Variants in MUSK observed in about 807,000 individuals in gnomAD.
The protein encoded by MUSK is muscle, skeletal receptor tyrosine-protein kinase.
MUSK carries 55 observed loss-of-function variants against 88.7 expected under a neutral mutation model. That is an observed-to-expected ratio of 0.62 (90% CI 0.50 to 0.78). The LOEUF is 0.78. Ranked by LOEUF, MUSK falls within the 30% of genes least tolerant of loss-of-function variation. The pLI, the probability that MUSK is intolerant of heterozygous loss-of-function variation, is 0.00. For synonymous variants in MUSK, 387 were observed against 391.9 expected (o/e 0.99, Z 0.15); for missense variants, 1,015 against 1,074.3 (o/e 0.94, Z 0.77).
chr9:110,674,415 A>G (rs1171505995), intron 1 of MUSK, among the ~76,000 whole-genome samples: 2 of 152,204 alleles, frequency 1.3e-5, no homozygotes, highest in East Asian at 3.8e-4. Context: ...AAATTCCTAA[A>G]AAATTACCAA....
chr9:110,730,762 G>A (rs940993495), intron 5 of MUSK, among the ~76,000 whole-genome samples: 1 of 151,944 alleles, frequency 6.6e-6, no homozygotes, highest in African/African-American at 2.4e-5. Context: ...TGAGTATTAT[G>A]CAATTGCTCA....
At chr9:110,681,991 T>C (rs1288338499) in intron 1 of MUSK, among the ~76,000 whole-genome samples, 2 of 152,124 alleles carry the variant, frequency 1.3e-5, no homozygotes, top group Non-Finnish European at 2.9e-5. Context: ...CCTTTCCTCC[T>C]GTTGTCTTAA....
chr9:110,689,069 G>C (rs1349834801), intron 3 of MUSK, among the ~76,000 whole-genome samples: 1 of 133,526 alleles, frequency 7.5e-6, no homozygotes, highest in Non-Finnish European at 1.5e-5. Context: ...TATAGCTATA[G>C]TTATATATAG....
In MUSK at chr9:110,785,651, C is replaced by G. The variant is rs1378295933; in HGVS notation, c.1711C>G (p.Pro571Ala). The change falls in exon 13 of 15, where the codon CCA (proline) becomes GCA (alanine). Residue 571 changes from proline to alanine, a missense_variant. Pro to Ala is a conservative substitution (Grantham distance 27, BLOSUM62 -1). Coordinates refer to ENST00000374448, the MANE Select transcript of MUSK (RefSeq NM_005592.4). ...CCCCAAATTGCTCAGCCTGGAGTAT[C>G]CAAGGAATAACATTGAATATGTGAG... ...LNPKLLSLEY[P>A]RNNIEYVRDI... The G allele has an allele frequency of 6.2e-7, 1 of 1,612,702 alleles. No individual in the cohort carries two copies. Among genetic ancestry groups the G allele is most frequent in the South Asian group, 1.1e-5 (1 of 90,926 alleles).
In MUSK at chr9:110,734,347, C is replaced by A. The variant is rs1343010603; in HGVS notation, c.725C>A (p.Thr242Asn). 1 of 1,613,114 alleles carries A rather than the reference C, an allele frequency of 6.2e-7. No individual in the cohort carries two copies. Among genetic ancestry groups the A allele is most frequent in the Non-Finnish European group, 8.5e-7 (1 of 1,179,458 alleles). ...HCTATGIPVP[T>N]ITWIENGNAV... ...ACAGCAACAGGCATTCCTGTCCCCA[C>A]CATCACCTGGATTGAAAACGGAAAT... Residue 242 changes from threonine to asparagine, a missense_variant, in exon 6 of 15, where the codon ACC (threonine) becomes AAC (asparagine). By Grantham distance (65) the Thr-to-Asn change is moderately conservative. Coordinates refer to ENST00000374448, the MANE Select transcript of MUSK (RefSeq NM_005592.4).
intron 5 of MUSK, among the ~76,000 whole-genome samples, chr9:110,724,824 T>C (rs1206683970): frequency 1.3e-5 from 2 of 152,024 alleles, no homozygotes; most frequent in African/African-American, 4.8e-5. Flanking sequence ...GTACTCTTTG[T>C]GCTATAATTA....
At chr9:110,704,961 G>T (rs565269270) in intron 5 of MUSK, among the ~76,000 whole-genome samples, 14 of 148,676 alleles carry the variant, frequency 9.4e-5, no homozygotes, top group African/African-American at 3.5e-4. Flanking sequence ...CTCCAGCCCA[G>T]GCAACAGTGC....
chr9:110,767,245 T>C (rs144580438), intron 8 of MUSK, among the ~76,000 whole-genome samples: 79 of 152,308 alleles, frequency 5.2e-4, no homozygotes, highest in African/African-American at 1.8e-3. Context: ...ATATTTCTGC[T>C]TTCTCCTCCC....
chr9:110,747,946 T>A (rs1409277374), intron 7 of MUSK, 146 bp downstream of exon 7: 2 of 1,106,332 alleles, frequency 1.8e-6, no homozygotes, highest in South Asian at 1.3e-5. Context: ...ATGGGGATAC[T>A]CCGGAGGTGA....
chr9:110,782,886 G>C (rs2077785653), intron 11 of MUSK, among the ~76,000 whole-genome samples: 1 of 152,160 alleles, frequency 6.6e-6, no homozygotes, highest in South Asian at 2.1e-4. Context: ...TTGCTGTGCT[G>C]ATGTTCTTCC....
At chr9:110,725,625 C>A (rs2076873922) in intron 5 of MUSK, among the ~76,000 whole-genome samples, 1 of 151,946 alleles carries the variant, frequency 6.6e-6, no homozygotes, top group South Asian at 2.1e-4. Context: ...CCCACTAATG[C>A]AACTGGCAAA....
chr9:110,701,418 T>C (rs2076498236), intron 5 of MUSK, among the ~76,000 whole-genome samples: 1 of 152,192 alleles, frequency 6.6e-6, no homozygotes, highest in South Asian at 2.1e-4. Context: ...GCATGAATCA[T>C]GGAATCTTTA....
Position 110,738,541 on chromosome 9 carries a change from C to T in MUSK, c.753+4166C>T, listed in dbSNP as rs138492689. ...GTCTAGTCCTAAGTAATAACCAAAGCATCCAATGGCATTCACAGTTCCTCC... is the reference window on the plus strand; with the variant it reads ...GTCTAGTCCTAAGTAATAACCAAAGTATCCAATGGCATTCACAGTTCCTCC... On this transcript the variant is annotated intron_variant, in intron 6 of 14. Transcript: ENST00000374448. 2.7e-3 allele frequency among the ~76,000 whole-genome samples: 418 copies of T among 152,282 alleles called. 2 individuals are homozygous for T. The highest frequency in any genetic ancestry group is 2.6e-3 in the Non-Finnish European group (174 of 68,004).
chr9:110,709,482 G>A (rs2076641635), intron 5 of MUSK, among the ~76,000 whole-genome samples: 1 of 152,076 alleles, frequency 6.6e-6, no homozygotes, highest in African/African-American at 2.4e-5. Flanking sequence ...TGTAAAATTA[G>A]GTTAATAATA....
chr9:110,689,426 T>C (rs1316401479), intron 3 of MUSK, among the ~76,000 whole-genome samples: 5 of 107,612 alleles, frequency 4.6e-5, no homozygotes, highest in Non-Finnish European at 6.6e-5. Context: ...ATATAATATA[T>C]GTAAAAAATA....
intron 5 of MUSK, among the ~76,000 whole-genome samples, chr9:110,724,128 T>G (rs764660676): frequency 3.3e-5 from 5 of 152,034 alleles, no homozygotes; most frequent in African/African-American, 4.8e-5. Context: ...TCTACTATTA[T>G]ATGTATTTCA....
chr9:110,784,874 T>C lies in MUSK; in HGVS notation c.1444T>C (p.Ser482Pro), dbSNP rs751557512. 6 of 1,613,902 alleles carry C rather than the reference T, an allele frequency of 3.7e-6. No homozygotes were observed. The highest frequency in any genetic ancestry group is 5.1e-6 in the Non-Finnish European group (6 of 1,179,840). ...SVDIPNLPSS[S>P]SSSFSVSPTY... is the part of the protein sequence containing the mutation. ...GGACATTCCAAATCTGCCTTCCTCC[T>C]CCTCTTCTTCCTTCTCTGTCTCACC... The change falls in exon 12 of 15, where the codon TCC (serine) becomes CCC (proline). Residue 482 changes from serine (S) to proline (P), a missense_variant. By Grantham distance (74) the Ser-to-Pro change is moderately conservative. Coordinates refer to ENST00000374448, the MANE Select transcript of MUSK (RefSeq NM_005592.4).
chr9:110,675,114 G>C (rs748928070), intron 1 of MUSK, among the ~76,000 whole-genome samples: 1 of 151,586 alleles, frequency 6.6e-6, no homozygotes, highest in African/African-American at 2.4e-5. Flanking sequence ...CATTATCTCC[G>C]TCTATAGCTG....
At chr9:110,676,344 A>ATATATTC (rs1385799639) in intron 1 of MUSK, among the ~76,000 whole-genome samples, 8 of 102,588 alleles carry the variant, frequency 7.8e-5, no homozygotes, top group African/African-American at 4.8e-4. Flanking sequence ...ATACACACAC[A>ATATATTC]TATATTATAT....
Sources: gnomAD v4.1 joint callset for allele counts (sites outside exome capture counted in the v4.1 genomes callset) on GRCh38, gnomAD v4.1.1 for gene constraint, MANE v1.5 for transcripts, NCBI Gene and HGNC (gene_info 2026-07-23, HGNC 2026-07-21) for gene names.